DMRT1: variants seen among roughly 807,000 people sequenced by gnomAD.
The protein encoded by DMRT1 is doublesex and mab-3 related transcription factor 1.
DMRT1 carries 7 observed loss-of-function variants against 32.3 expected under a neutral mutation model. That is an observed-to-expected ratio of 0.22 (90% CI 0.12 to 0.41). The LOEUF (loss-of-function observed/expected upper bound fraction) is 0.41. Ranked by LOEUF, DMRT1 falls within the 10% of genes least tolerant of loss-of-function variation. The pLI, the probability that DMRT1 is intolerant of heterozygous loss-of-function variation, is 1.00. For missense variants in DMRT1, 625 were observed against 500.5 expected, an observed-to-expected ratio of 1.25 and a Z score of -2.37; for synonymous variants, 278 against 206.1, an observed-to-expected ratio of 1.35 and a Z score of -2.99.
intron 4 of DMRT1, among the ~76,000 whole-genome samples, chr9:918,822 C>T (rs781327961): frequency 1.3e-5 from 2 of 152,176 alleles, no homozygotes; most frequent in Non-Finnish European, 2.9e-5. Context: ...TAACAGAAGG[C>T]TTAATGCCTT....
intron 2 of DMRT1, among the ~76,000 whole-genome samples, chr9:873,649 G>T (rs752403756): frequency 6.6e-6 from 1 of 152,102 alleles, no homozygotes; most frequent in Admixed American, 6.6e-5. Context: ...TTAGGTTATC[G>T]CTAGGTCTTG....
At chr9:871,104 T>G (rs979411868) in intron 2 of DMRT1, among the ~76,000 whole-genome samples, 1 of 151,554 alleles carries the variant, frequency 6.6e-6, no homozygotes, top group African/African-American at 2.4e-5. Context: ...GGGGCAATCA[T>G]GGGCACATTG....
At chr9:858,182 A>C (rs990747439) in intron 2 of DMRT1, among the ~76,000 whole-genome samples, 5 of 152,186 alleles carry the variant, frequency 3.3e-5, no homozygotes, top group African/African-American at 1.2e-4. Flanking sequence ...GAGTTGGTGA[A>C]AATGGACAGC....
intron 4 of DMRT1, among the ~76,000 whole-genome samples, chr9:949,890 C>A (rs1009824667): frequency 6.6e-6 from 1 of 152,184 alleles, no homozygotes; most frequent in African/African-American, 2.4e-5. Context: ...GGTAAGATTT[C>A]CTTCTTTTTA....
At chr9:873,272 T>C (rs1175188292) in intron 2 of DMRT1, among the ~76,000 whole-genome samples, 1 of 152,136 alleles carries the variant, frequency 6.6e-6, no homozygotes, top group African/African-American at 2.4e-5. Context: ...TTTTGTTTGT[T>C]TTTTTAAGTT....
At chr9:932,367 C>T (rs956734339) in intron 4 of DMRT1, among the ~76,000 whole-genome samples, 2 of 152,110 alleles carry the variant, frequency 1.3e-5, no homozygotes, top group Non-Finnish European at 2.9e-5. Flanking sequence ...GAGAGCAGTG[C>T]GTTATTTCTT....
intron 2 of DMRT1, among the ~76,000 whole-genome samples, chr9:849,326 G>A (rs1449152328): frequency 6.6e-6 from 1 of 152,150 alleles, no homozygotes; most frequent in Non-Finnish European, 1.5e-5. Flanking sequence ...GTAATTTAGG[G>A]CTGATGGACA....
intron 4 of DMRT1, among the ~76,000 whole-genome samples, chr9:921,331 T>C (rs143496255): frequency 1.3e-5 from 2 of 152,372 alleles, no homozygotes; most frequent in Non-Finnish European, 2.9e-5. Context: ...CATTCGTTTT[T>C]GTGGCTCAAT....
At chr9:872,523 C>T (rs949916709) in intron 2 of DMRT1, among the ~76,000 whole-genome samples, 2 of 152,216 alleles carry the variant, frequency 1.3e-5, no homozygotes, top group African/African-American at 4.8e-5. Context: ...AGCCTACTTT[C>T]TATCTGTATA....
At chr9:896,217 A>G (rs1452689169) in intron 3 of DMRT1, among the ~76,000 whole-genome samples, 2 of 150,556 alleles carry the variant, frequency 1.3e-5, no homozygotes. Context: ...TTTGTCAACC[A>G]TTAGTATCTT....
At chr9:880,143 A>G (rs922503438) in intron 2 of DMRT1, among the ~76,000 whole-genome samples, 5 of 152,188 alleles carry the variant, frequency 3.3e-5, no homozygotes, top group South Asian at 2.1e-4. Flanking sequence ...GTAGTTTGTC[A>G]TCAGTCACTC....
At chr9:891,402 G>T (rs1011098448) in intron 2 of DMRT1, among the ~76,000 whole-genome samples, 5 of 151,834 alleles carry the variant, frequency 3.3e-5, no homozygotes, top group East Asian at 2.0e-4. Flanking sequence ...AGTGAGCCGA[G>T]ATCGTACCAC....
intron 4 of DMRT1, among the ~76,000 whole-genome samples, chr9:925,699 C>G (rs2129825108): frequency 6.6e-6 from 1 of 152,290 alleles, no homozygotes; most frequent in Admixed American, 6.5e-5. Context: ...TGCAGCTCCT[C>G]CAGTGTCTGT....
chr9:965,157 T>C lies in DMRT1; in HGVS notation c.968-2828T>C, dbSNP rs1241240095. Reference sequence around the variant, plus strand: ...TGGTAGTAAAAGTGATTTTGGACATTAGTCACTAAGGAAAAACACACTAAA... The same window carrying C: ...TGGTAGTAAAAGTGATTTTGGACATCAGTCACTAAGGAAAAACACACTAAA... On this transcript the variant is annotated intron_variant, in intron 4 of 4. Transcript: ENST00000382276. This position sits in a 1 kb window ranked among gnomAD's most constrained non-coding sequence, Gnocchi z 4.5. 6.6e-6 allele frequency among the ~76,000 whole-genome samples: 1 copy of C among 152,204 alleles called. No homozygotes were observed. The highest frequency in any genetic ancestry group is 1.9e-4 in the East Asian group (1 of 5,200).
chr9:842,230 G>GTTTT lies in DMRT1; in HGVS notation c.354+58_354+61dup, dbSNP rs780064237. On this transcript the variant is annotated intron_variant, in intron 1 of 4. Transcript: ENST00000382276. Reference sequence around the variant, plus strand: ...GTGCGGGAGCCCGGGTTCAGCCTTAGTTTTTTTTTTTTTTTTTTTTTTTAG... The same window carrying GTTTT: ...GTGCGGGAGCCCGGGTTCAGCCTTAGTTTTTTTTTTTTTTTTTTTTTTTTTTTAG... 4,027 of 1,259,244 alleles carry GTTTT rather than the reference G, an allele frequency of 3.2e-3. 11 individuals carry two copies. Among genetic ancestry groups the GTTTT allele is most frequent in the African/African-American group, 0.011 (520 of 46,328 alleles). 78.0% of individuals were successfully genotyped at this position (1,259,244 alleles called of 1,614,324 possible). A position where few individuals can be genotyped will look rare whatever the true frequency, so the allele number is the denominator to read the frequency against.
At chr9:941,315 G>A (rs1346374758) in intron 4 of DMRT1, among the ~76,000 whole-genome samples, 7 of 143,508 alleles carry the variant, frequency 4.9e-5, no homozygotes, top group South Asian at 2.2e-4. Flanking sequence ...GAGCGTGTGC[G>A]CACACACACC....
At chr9:930,917 C>A (rs915299392) in intron 4 of DMRT1, among the ~76,000 whole-genome samples, 3 of 152,126 alleles carry the variant, frequency 2.0e-5, no homozygotes, top group South Asian at 2.1e-4. Flanking sequence ...ATGTATGATT[C>A]ATTGGATTTT....
chr9:865,595 C>G (rs2132592927), intron 2 of DMRT1, among the ~76,000 whole-genome samples: 1 of 152,210 alleles, frequency 6.6e-6, no homozygotes, highest in Middle Eastern at 3.4e-3. Flanking sequence ...ATGATTTATC[C>G]TGTAGCAATA....
chr9:922,763 C>CT (rs748960004), intron 4 of DMRT1, among the ~76,000 whole-genome samples: 11 of 152,172 alleles, frequency 7.2e-5, no homozygotes, highest in Non-Finnish European at 1.5e-4. Flanking sequence ...AAGCTGCACT[C>CT]TTTTCAGGAG....
Sources: gnomAD v4.1 joint callset for allele counts (sites outside exome capture counted in the v4.1 genomes callset) on GRCh38, gnomAD v4.1.1 for gene constraint, Gnocchi (gnomAD v3.1) non-coding constraint, MANE v1.5 for transcripts, NCBI Gene and HGNC (gene_info 2026-07-23, HGNC 2026-07-21) for gene names.